Variants in SIAE observed in about 807,000 individuals in gnomAD.
The protein encoded by SIAE is sialic acid acetylesterase, also known as sialate O-acetylesterase.
SIAE carries 39 observed loss-of-function variants against 52.6 expected under a neutral mutation model. The ratio of observed to expected loss-of-function variants is 0.74; its 90% CI spans 0.57 to 0.97. SIAE has a LOEUF of 0.97. Ranked by LOEUF, SIAE falls within the 50% of genes least tolerant of loss-of-function variation. SIAE has a pLI of 0.00. For synonymous variants in SIAE, 233 were observed against 241.4 expected (o/e 0.97, Z 0.32); for missense variants, 592 against 662.1 (o/e 0.89, Z 1.16).
Position 124,637,202 on chromosome 11 carries a change from T to G in SIAE, c.1321A>C (p.Ile441Leu), listed in dbSNP as rs767937574. ...CATCGATGGTCACTGCAACAGGAGA[T>G]CTAATAAGAGAGCCATAAAATAGGA... The part of the protein sequence containing the change: ...VQKKDNKIFE[I>L]SCCSDHRCKW... Residue 441 changes from isoleucine to leucine, a missense_variant and splice_region_variant, in exon 10 of 10, where the codon ATC (isoleucine) becomes CTC (leucine). Physicochemically the swap from Ile to Leu is conservative, Grantham distance 5. Coordinates refer to ENST00000263593, the MANE Select transcript of SIAE (RefSeq NM_170601.5). The G allele has an allele frequency of 2.4e-5, 38 of 1,613,836 alleles. 1 individual carries two copies. The highest frequency in any genetic ancestry group is 1.9e-5 in the Non-Finnish European group (23 of 1,180,028).
chr11:124,647,246 G>T, intron 7 of SIAE, 119 bp downstream of exon 7: 1 of 1,380,562 alleles, frequency 7.2e-7, no homozygotes, highest in Non-Finnish European at 1.0e-6. Context: ...AAAAAAGGAA[G>T]ATGAAATCCA....
At chr11:124,669,327 G>T (rs536268889) in intron 2 of SIAE, 33 bp downstream of exon 2, 1 of 1,613,540 alleles carries the variant, frequency 6.2e-7, no homozygotes, top group Middle Eastern at 1.7e-4. Context: ...GGCAGAAGAG[G>T]GCAATAGCTG....
intron 2 of SIAE, 86 bp downstream of exon 2, chr11:124,669,274 T>G (rs531740115): frequency 1.7e-4 from 250 of 1,506,474 alleles, no homozygotes; most frequent in Middle Eastern, 6.8e-4. Flanking sequence ...ATGGATAATG[T>G]GAGCTACAGC....
chr11:124,650,013 C>T (rs7943693), intron 4 of SIAE, among the ~76,000 whole-genome samples: 16,320 of 152,122 alleles, frequency 0.11, 2,832 homozygotes, highest in African/African-American at 0.36. Flanking sequence ...CCAAACCTTC[C>T]CTAAGGAGAA....
At position 124,645,975 on chromosome 11, in the gene SIAE, C is replaced by T. The variant is rs1037416478; in HGVS notation, c.966+1390G>A. Among the ~76,000 whole-genome samples, 13 of 152,010 alleles carry T rather than the reference C, an allele frequency of 8.6e-5. No individual in the cohort carries two copies. Among genetic ancestry groups the T allele is most frequent in the African/African-American group, 2.4e-4 (10 of 41,372 alleles). On this transcript the variant is annotated intron_variant, in intron 7 of 9. Transcript: ENST00000263593. The surrounding 1 kb of genome is among the most constrained non-coding windows in gnomAD (Gnocchi z 4.7). ...GGTGAGAAGTCATCTGTGGGGCGTGCGGAGGTGGTGTCTGGGACCATGGAT... is the reference window on the plus strand; with the variant it reads ...GGTGAGAAGTCATCTGTGGGGCGTGTGGAGGTGGTGTCTGGGACCATGGAT...
intron 1 of SIAE, 187 bp from the exon 2 acceptor site, chr11:124,669,708 C>G: frequency 1.6e-6 from 1 of 633,966 alleles, no homozygotes; most frequent in Non-Finnish European, 2.8e-6. Context: ...GAACAGTTTC[C>G]AACAGTATGC....
At chr11:124,649,241 C>T (rs1942982937) in intron 5 of SIAE, among the ~76,000 whole-genome samples, 1 of 151,868 alleles carries the variant, frequency 6.6e-6, no homozygotes, top group African/African-American at 2.4e-5. Flanking sequence ...TACTAAGTCT[C>T]TCTGAAATGT....
chr11:124,654,948 C>T (rs1943074510), intron 3 of SIAE, among the ~76,000 whole-genome samples, 155 bp from the exon 4 acceptor site: 1 of 152,046 alleles, frequency 6.6e-6, no homozygotes, highest in Admixed American at 6.5e-5. Flanking sequence ...CACCTTGATC[C>T]ACTTTTACCA....
rs750343749 is a variant in SIAE, at chr11:124,658,262, A to ACAC, written c.405+2365_405+2366insGTG. On this transcript the variant is annotated intron_variant, in intron 3 of 9. Transcript: ENST00000263593. ...TGTGCACACACACACACACACACAC[A>ACAC]GAAGGACAGAAACTTTATTTACTTA... 8.0e-3 allele frequency among the ~76,000 whole-genome samples: 1,210 copies of ACAC among 151,082 alleles called. 19 individuals carry two copies. Among genetic ancestry groups the ACAC allele is most frequent in the African/African-American group, 0.028 (1,148 of 40,712 alleles).
At chr11:124,666,659 T>C (rs1943277027) in intron 2 of SIAE, among the ~76,000 whole-genome samples, 1 of 152,242 alleles carries the variant, frequency 6.6e-6, no homozygotes, top group South Asian at 2.1e-4. Context: ...AAATGAAGGA[T>C]ACATCCCTTT....
upstream of SIAE, chr11:124,675,350 G>A (rs769709596): frequency 1.2e-6 from 2 of 1,614,228 alleles, no homozygotes; most frequent in Non-Finnish European, 1.7e-6. Context: ...GAGATTCTGA[G>A]AGAGCAACCG....
intron 9 of SIAE, 53 bp from the exon 10 acceptor site, chr11:124,637,255 A>G (rs776538893): frequency 1.2e-6 from 2 of 1,611,742 alleles, no homozygotes; most frequent in East Asian, 4.5e-5. Flanking sequence ...GTCTTCCAAG[A>G]AACTGGGCAC....
At chr11:124,650,055 T>C (rs938214442) in intron 4 of SIAE, among the ~76,000 whole-genome samples, 6 of 152,188 alleles carry the variant, frequency 3.9e-5, no homozygotes, top group Non-Finnish European at 5.9e-5. Context: ...GTAACCTTAG[T>C]GATAGTTTCC....
intron 9 of SIAE, 37 bp from the exon 10 acceptor site, chr11:124,637,239 A>G (rs771706975): frequency 6.2e-7 from 1 of 1,613,834 alleles, no homozygotes; most frequent in South Asian, 1.1e-5. Context: ...TGATTAGGTC[A>G]GAAGGGTCTT....
intron 2 of SIAE, among the ~76,000 whole-genome samples, chr11:124,664,523 C>A (rs559408891): frequency 1.3e-5 from 2 of 152,198 alleles, no homozygotes; most frequent in East Asian, 1.9e-4. Flanking sequence ...CATGAGCTAC[C>A]GCATCCGGCC....
intron 4 of SIAE, 97 bp from the exon 5 acceptor site, chr11:124,649,893 G>A (rs747130167): frequency 1.1e-4 from 123 of 1,143,146 alleles, no homozygotes; most frequent in Non-Finnish European, 1.5e-4. Flanking sequence ...GGTGGGCAGA[G>A]GTCATTCTTC....
chr11:124,639,612 G>A, intron 8 of SIAE, 98 bp downstream of exon 8: 1 of 1,519,922 alleles, frequency 6.6e-7, no homozygotes, highest in Non-Finnish European at 9.1e-7. Context: ...ACTCTTAAGT[G>A]CCAATCCTCA....
chr11:124,657,652 AT>A (rs1386956206), intron 3 of SIAE, among the ~76,000 whole-genome samples: 1 of 152,232 alleles, frequency 6.6e-6, no homozygotes, highest in African/African-American at 2.4e-5. Flanking sequence ...GAAAACTTCC[AT>A]TTTCAAATTC....
At chr11:124,669,674 CT>C in intron 1 of SIAE, 153 bp from the exon 2 acceptor site, 1 of 724,016 alleles carries the variant, frequency 1.4e-6, no homozygotes, top group Non-Finnish European at 2.4e-6. Context: ...CTTCTTCCTC[CT>C]AATTAGGCAA....
Sources: gnomAD v4.1 joint callset for allele counts (sites outside exome capture counted in the v4.1 genomes callset) on GRCh38, gnomAD v4.1.1 for gene constraint, Gnocchi (gnomAD v3.1) non-coding constraint, MANE v1.5 for transcripts, NCBI Gene and HGNC (gene_info 2026-07-23, HGNC 2026-07-21) for gene names.